UBAC2: variants seen among roughly 807,000 people sequenced by gnomAD.
UBAC2 encodes the protein ubiquitin-associated domain-containing protein 2.
In UBAC2, 26 loss-of-function variants were observed where a neutral mutation model predicts 44.0. That is an observed-to-expected ratio of 0.59 (90% CI 0.43 to 0.82). The LOEUF is 0.82. Among genes scored for constraint, UBAC2 ranks in the 40% least tolerant of loss-of-function variants. The pLI, the probability that UBAC2 is intolerant of heterozygous loss-of-function variation, is 0.00. For missense variants in UBAC2, 329 were observed against 419.4 expected, an observed-to-expected ratio of 0.78 and a Z score of 1.88; for synonymous variants, 155 against 154.3, an observed-to-expected ratio of 1.00 and a Z score of -0.04.
intron 7 of UBAC2, among the ~76,000 whole-genome samples, chr13:99,350,841 G>A (rs556038773): frequency 6.6e-6 from 1 of 152,342 alleles, no homozygotes; most frequent in South Asian, 2.1e-4. Flanking sequence ...TTAACCTGTG[G>A]GCTCTGATGT....
At chr13:99,232,399 G>GAGATAGATAGAT (rs1367302629) in intron 1 of UBAC2, among the ~76,000 whole-genome samples, 2 of 109,902 alleles carry the variant, frequency 1.8e-5, no homozygotes, top group East Asian at 2.9e-4. Flanking sequence ...TTAGTTGAGA[G>GAGATAGATAGAT]ATATAGATAT....
chr13:99,200,951 C>T lies in UBAC2; in HGVS notation c.31+12C>T, dbSNP rs775036733. Reference sequence around the variant, plus strand: ...CTCCAGTGGGCTCTGTGAGTACCGGCCTCCGCCATCCTGGCTGCCCCCTAC... The same window carrying T: ...CTCCAGTGGGCTCTGTGAGTACCGGTCTCCGCCATCCTGGCTGCCCCCTAC... On this transcript the variant is annotated intron_variant, in intron 1 of 8. Transcript: ENST00000403766. 1.9e-4 allele frequency: 244 copies of T among 1,305,530 alleles called. 2 individuals carry two copies. Among genetic ancestry groups the T allele is most frequent in the Non-Finnish European group, 6.9e-6 (7 of 1,019,150 alleles). 80.9% of individuals were successfully genotyped at this position (1,305,530 alleles called of 1,614,324 possible). A position where few individuals can be genotyped will look rare whatever the true frequency, so the allele number is the denominator to read the frequency against.
chr13:99,278,717 C>G (rs2043915982), intron 4 of UBAC2, among the ~76,000 whole-genome samples: 1 of 152,102 alleles, frequency 6.6e-6, no homozygotes, highest in African/African-American at 2.4e-5. Context: ...TAGATATCTT[C>G]TCTCCTTTAA....
intron 4 of UBAC2, among the ~76,000 whole-genome samples, chr13:99,294,296 A>C (rs745762461): frequency 6.6e-6 from 1 of 152,214 alleles, no homozygotes; most frequent in Non-Finnish European, 1.5e-5. Context: ...TTTATTCTCA[A>C]GATGAATTTA....
chr13:99,202,716 A>G (rs995945656), intron 1 of UBAC2, among the ~76,000 whole-genome samples: 2 of 152,174 alleles, frequency 1.3e-5, no homozygotes, highest in African/African-American at 4.8e-5. Context: ...GCCCCTCTGC[A>G]GCTGTCTTGG....
chr13:99,314,113 GCT>G lies in UBAC2; in HGVS notation c.409_410del (p.Leu137ValfsTer82). ...LPSGFLAPVF[A>X]LFVPFYCSIP... ...TTTGCATAGCCTGGCACCTGTGTTT[GCT>G]CTGTTTGTACCATTTTACTGCTCCA... is the stretch of plus-strand genomic sequence containing the variant. On this transcript the variant is annotated frameshift_variant, in exon 5 of 9. Coordinates refer to ENST00000403766, the MANE Select transcript of UBAC2 (RefSeq NM_001144072.2). LOFTEE classifies it high-confidence loss of function. 1.2e-6 allele frequency: 2 copies of G among 1,610,322 alleles called. No homozygotes were observed. The highest frequency in any genetic ancestry group is 8.5e-7 in the Non-Finnish European group (1 of 1,178,876).
intron 4 of UBAC2, among the ~76,000 whole-genome samples, chr13:99,275,652 C>T (rs1437474004): frequency 6.6e-6 from 1 of 152,090 alleles, no homozygotes; most frequent in Non-Finnish European, 1.5e-5. Context: ...CTACCCACCC[C>T]CCAGGTTTTA....
At chr13:99,213,073 C>CT (rs973823693) in intron 1 of UBAC2, among the ~76,000 whole-genome samples, 3 of 151,178 alleles carry the variant, frequency 2.0e-5, no homozygotes, top group African/African-American at 4.9e-5. Flanking sequence ...TCTATGCATT[C>CT]TTTTTTTTTC....
intron 1 of UBAC2, among the ~76,000 whole-genome samples, chr13:99,233,670 T>C: frequency 6.6e-6 from 1 of 151,292 alleles, no homozygotes; most frequent in African/African-American, 2.4e-5. Context: ...AATCCATGAG[T>C]GTAGAGTGAT....
chr13:99,247,575 G>T (rs991931531), intron 4 of UBAC2, among the ~76,000 whole-genome samples: 2 of 152,016 alleles, frequency 1.3e-5, no homozygotes, highest in Non-Finnish European at 2.9e-5. Flanking sequence ...GTCACACACT[G>T]GGGCTGTCTA....
At chr13:99,318,187 GA>G in intron 6 of UBAC2, 118 bp downstream of exon 6, 1 of 996,666 alleles carries the variant, frequency 1.0e-6, no homozygotes, top group Non-Finnish European at 1.6e-6. Flanking sequence ...TTTTTTTTGA[GA>G]CAGAATTTCA....
intron 1 of UBAC2, among the ~76,000 whole-genome samples, chr13:99,219,858 GT>G (rs1465486172): frequency 6.6e-6 from 1 of 152,072 alleles, no homozygotes; most frequent in Non-Finnish European, 1.5e-5. Context: ...TTAGCATAAT[GT>G]TTTTGAGGTT....
At chr13:99,254,307 A>C (rs1369950456) in intron 4 of UBAC2, among the ~76,000 whole-genome samples, 1 of 152,206 alleles carries the variant, frequency 6.6e-6, no homozygotes, top group East Asian at 1.9e-4. Context: ...GTAGGCTCTC[A>C]GTGTTTGTTG....
intron 4 of UBAC2, among the ~76,000 whole-genome samples, chr13:99,260,511 T>G (rs189573094): frequency 7.7e-4 from 117 of 152,216 alleles, no homozygotes; most frequent in African/African-American, 2.6e-3. Flanking sequence ...GGGCCTGAGG[T>G]CTGTCGTCCT....
intron 1 of UBAC2, among the ~76,000 whole-genome samples, chr13:99,226,533 A>T (rs1015028501): frequency 2.0e-5 from 3 of 152,102 alleles, no homozygotes; most frequent in African/African-American, 7.2e-5. Flanking sequence ...CAATTTAGCA[A>T]CCAAAGTGAT....
At position 99,295,833 on chromosome 13, in the gene UBAC2, T is replaced by G; in HGVS notation, c.390-18264T>G. ...ATGTAAAACACTAGCGCAGTTATCC[T>G]ACACAAGGCATCTCCGATTCTCCAG... is the stretch of plus-strand genomic sequence containing the variant. On this transcript the variant is annotated intron_variant, in intron 4 of 8. Transcript: ENST00000403766. This position sits in a 1 kb window ranked among gnomAD's most constrained non-coding sequence, Gnocchi z 4.1. The G allele has an allele frequency of 6.2e-7, 1 of 1,606,950 alleles. No individual in the cohort carries two copies. The highest frequency in any genetic ancestry group is 8.5e-7 in the Non-Finnish European group (1 of 1,175,276).
intron 2 of UBAC2, among the ~76,000 whole-genome samples, chr13:99,242,940 T>G (rs914407590): frequency 6.7e-6 from 1 of 148,594 alleles, no homozygotes; most frequent in Non-Finnish European, 1.5e-5. Context: ...GCTCCTCACT[T>G]CCTAGATGGG....
intron 7 of UBAC2, among the ~76,000 whole-genome samples, chr13:99,353,071 C>T (rs897141974): frequency 1.3e-5 from 2 of 152,198 alleles, no homozygotes; most frequent in Non-Finnish European, 2.9e-5. Context: ...GATTTGAAAA[C>T]GATTCTTTTC....
intron 4 of UBAC2, among the ~76,000 whole-genome samples, chr13:99,286,479 T>A: frequency 6.6e-6 from 1 of 152,160 alleles, no homozygotes. Flanking sequence ...GGACTTCTTT[T>A]TTTTAATATT....
Sources: gnomAD v4.1 joint callset for allele counts (sites outside exome capture counted in the v4.1 genomes callset) on GRCh38, gnomAD v4.1.1 for gene constraint, Gnocchi (gnomAD v3.1) non-coding constraint, MANE v1.5 for transcripts, NCBI Gene and HGNC (gene_info 2026-07-23, HGNC 2026-07-21) for gene names.